The following CSTPP1 variants were observed in gnomAD, a reference collection of about 807,000 sequenced individuals.
CSTPP1 encodes the protein centriolar satellite-associated tubulin polyglutamylase complex regulator 1, also known as UPF0705 protein C11orf49.
chr11:46,963,727 G>A, the CSTPP1 span, among the ~76,000 whole-genome samples: 5 of 151,294 alleles, frequency 3.3e-5, no homozygotes, highest in Non-Finnish European at 5.9e-5. Flanking sequence ...AAAGGTTGCA[G>A]TGAGCTGAGA....
the CSTPP1 span, among the ~76,000 whole-genome samples, chr11:47,099,846 A>C: frequency 6.6e-6 from 1 of 152,226 alleles, no homozygotes; most frequent in East Asian, 1.9e-4. Context: ...GAAATTAGCA[A>C]ATCAGTATTG....
the CSTPP1 span, among the ~76,000 whole-genome samples, chr11:47,100,304 G>A: frequency 6.6e-6 from 1 of 152,270 alleles, no homozygotes; most frequent in African/African-American, 2.4e-5. Flanking sequence ...TGAGCTAAAT[G>A]TATATACTTT....
the CSTPP1 span, among the ~76,000 whole-genome samples, chr11:46,951,420 C>T: frequency 6.6e-6 from 1 of 151,816 alleles, no homozygotes; most frequent in Non-Finnish European, 1.5e-5. Context: ...CCTCAGCCTC[C>T]CAGGTAGCTG....
At chr11:47,085,197 C>T in the CSTPP1 span, among the ~76,000 whole-genome samples, 1 of 152,066 alleles carries the variant, frequency 6.6e-6, no homozygotes, top group African/African-American at 2.4e-5. Flanking sequence ...AGCGAGACTC[C>T]ATCTCAAACA....
chr11:47,155,068 T>G, the CSTPP1 span: 3 of 926,946 alleles, frequency 3.2e-6, no homozygotes, highest in South Asian at 2.7e-5. Flanking sequence ...GGAACAGCTC[T>G]CTCTCTCCCT....
the CSTPP1 span, among the ~76,000 whole-genome samples, chr11:47,035,366 C>G: frequency 1.3e-5 from 2 of 152,162 alleles, no homozygotes; most frequent in African/African-American, 4.8e-5. Context: ...TGGTTTTGTA[C>G]TGAACACGAT....
chr11:46,992,229 T>A, the CSTPP1 span, among the ~76,000 whole-genome samples: 1 of 151,916 alleles, frequency 6.6e-6, no homozygotes, highest in African/African-American at 2.4e-5. Flanking sequence ...TTTTTTTATT[T>A]TTTTTATTTA....
At chr11:46,988,780 T>C in the CSTPP1 span, among the ~76,000 whole-genome samples, 1 of 152,208 alleles carries the variant, frequency 6.6e-6, no homozygotes, top group Non-Finnish European at 1.5e-5. Flanking sequence ...CTATTCTCCA[T>C]GATATGATTA....
chr11:46,945,746 G>A, the CSTPP1 span, among the ~76,000 whole-genome samples: 16 of 151,784 alleles, frequency 1.1e-4, no homozygotes, highest in Non-Finnish European at 2.4e-4. Flanking sequence ...ATAAAGCCAG[G>A]CATGAATATA....
chr11:47,142,899 A>G, the CSTPP1 span, among the ~76,000 whole-genome samples: 1 of 152,144 alleles, frequency 6.6e-6, no homozygotes, highest in Non-Finnish European at 1.5e-5. Context: ...CCTCACCTAG[A>G]GGCCTGCTGT....
At chr11:46,957,150 A>G in the CSTPP1 span, among the ~76,000 whole-genome samples, 1 of 152,078 alleles carries the variant, frequency 6.6e-6, no homozygotes, top group East Asian at 1.9e-4. Flanking sequence ...CTTCAAGGTA[A>G]CTTTTCTGAA....
At chr11:47,039,981 T>C in the CSTPP1 span, among the ~76,000 whole-genome samples, 2 of 128,608 alleles carry the variant, frequency 1.6e-5, no homozygotes, top group African/African-American at 4.9e-5. Flanking sequence ...TGAATGAAAG[T>C]TTGAAGAGTA....
At chr11:47,138,535 G>T in the CSTPP1 span, among the ~76,000 whole-genome samples, 1 of 152,212 alleles carries the variant, frequency 6.6e-6, no homozygotes, top group Admixed American at 6.5e-5. Flanking sequence ...TATGCCAGAA[G>T]AAGGTTTTCA....
the CSTPP1 span, among the ~76,000 whole-genome samples, chr11:47,059,559 G>A: frequency 0.022 from 3,348 of 152,212 alleles, 73 homozygotes; most frequent in South Asian, 0.12. Flanking sequence ...TAAGGAATAC[G>A]TTCTAAAAAC....
chr11:46,982,436 T>G, the CSTPP1 span, among the ~76,000 whole-genome samples: 24,093 of 152,004 alleles, frequency 0.16, 6,440 homozygotes, highest in African/African-American at 0.55. Context: ...TTATTGGGAC[T>G]CTGTATTAAA....
At chr11:47,075,713 G>A in the CSTPP1 span, among the ~76,000 whole-genome samples, 396 of 152,150 alleles carry the variant, frequency 2.6e-3, no homozygotes, top group African/African-American at 9.2e-3. Context: ...GAGGTCAGGA[G>A]CTTGCGACCA....
At chr11:47,161,353 C>T in the CSTPP1 span, 1 of 1,586,382 alleles carries the variant, frequency 6.3e-7, no homozygotes, top group African/African-American at 1.4e-5. Flanking sequence ...CCTCTGAGTC[C>T]TTTGGGGGCT....
At chr11:47,046,826 C>T in the CSTPP1 span, among the ~76,000 whole-genome samples, 3 of 150,680 alleles carry the variant, frequency 2.0e-5, no homozygotes, top group South Asian at 2.1e-4. Flanking sequence ...CCACCATGCC[C>T]GACTAATTTT....
the CSTPP1 span, among the ~76,000 whole-genome samples, chr11:47,114,691 G>A: frequency 1.3e-5 from 2 of 152,298 alleles, no homozygotes; most frequent in South Asian, 2.1e-4. Flanking sequence ...TGTATCCTGA[G>A]ACTTTGCTGC....
Sources: gnomAD v4.1 joint callset for allele counts (sites outside exome capture counted in the v4.1 genomes callset) on GRCh38, gnomAD v4.1.1 for gene constraint, MANE v1.5 for transcripts, NCBI Gene and HGNC (gene_info 2026-07-23, HGNC 2026-07-21) for gene names.